The following LMBRD2 variants were observed in gnomAD, a reference collection of about 807,000 sequenced individuals.
LMBRD2 encodes the protein G protein-coupled receptor-associated protein LMBRD2.
A neutral mutation model predicts 94.4 loss-of-function variants in LMBRD2; 55 were observed. The ratio of observed to expected loss-of-function variants is 0.58; its 90% CI spans 0.47 to 0.73. The LOEUF (loss-of-function observed/expected upper bound fraction) is 0.73, where lower values mean the gene tolerates loss of function less well. Among genes scored for constraint, LMBRD2 ranks in the 30% least tolerant of loss-of-function variants. The pLI, the probability that LMBRD2 is intolerant of heterozygous loss-of-function variation, is 0.00. For missense variants in LMBRD2, 640 were observed against 831.9 expected (o/e 0.77, Z 2.84); for synonymous variants, 246 against 272.4 (o/e 0.90, Z 0.95).
At chr5:36,143,024 C>A in intron 2 of LMBRD2, 152 bp downstream of exon 2, 1 of 639,418 alleles carries the variant, frequency 1.6e-6, no homozygotes, top group South Asian at 2.2e-5. Context: ...CACGCCCGGC[C>A]CTTGGCTATG....
intron 16 of LMBRD2, among the ~76,000 whole-genome samples, chr5:36,105,479 C>T (rs1336312127): frequency 1.3e-5 from 2 of 152,112 alleles, no homozygotes; most frequent in Non-Finnish European, 2.9e-5. Context: ...TCAGAATTAA[C>T]ATTTAACTAT....
intron 3 of LMBRD2, 67 bp from the exon 4 acceptor site, chr5:36,141,269 TGCATGTGGCC>T: frequency 2.2e-6 from 2 of 889,556 alleles, no homozygotes; most frequent in Non-Finnish European, 3.6e-6. Flanking sequence ...ACAATTAATT[TGCATGTGGCC>T]AAGTTAATTT....
chr5:36,129,892 T>C (rs1472166545), intron 6 of LMBRD2, among the ~76,000 whole-genome samples: 4 of 152,122 alleles, frequency 2.6e-5, no homozygotes, highest in Non-Finnish European at 5.9e-5. Context: ...TGTAGGGACA[T>C]GGATGAAGCT....
intron 1 of LMBRD2, among the ~76,000 whole-genome samples, chr5:36,149,947 A>C (rs1414934422): frequency 6.6e-6 from 1 of 152,196 alleles, no homozygotes; most frequent in Non-Finnish European, 1.5e-5. Context: ...AATAAGATAC[A>C]TCAGTAGCAA....
intron 6 of LMBRD2, 56 bp downstream of exon 6, chr5:36,136,252 TA>T: frequency 6.5e-7 from 1 of 1,530,096 alleles, no homozygotes; most frequent in Non-Finnish European, 9.1e-7. Flanking sequence ...CAAAAATGAC[TA>T]AAAGGGGATA....
chr5:36,099,904 C>T lies in LMBRD2; in HGVS notation c.*4142G>A, dbSNP rs1029451475. The T allele has an allele frequency of 3.3e-5, 5 of 152,036 alleles. No individual in the cohort carries two copies. Among genetic ancestry groups the T allele is most frequent in the African/African-American group, 7.2e-5 (3 of 41,412 alleles). 9.4% of individuals were successfully genotyped at this position (152,036 alleles called of 1,614,324 possible). A position where few individuals can be genotyped will look rare whatever the true frequency, so the allele number is the denominator to read the frequency against. ...GGCTTGGTACAGAAGGAATCAGAGG[C>T]GAGGACATGTTCCTGCTGCAGTGGG... On this transcript the variant is annotated 3_prime_UTR_variant, in exon 18 of 18. Transcript: ENST00000296603.
At chr5:36,150,332 CG>C (rs1431347245) in intron 1 of LMBRD2, among the ~76,000 whole-genome samples, 3 of 152,184 alleles carry the variant, frequency 2.0e-5, no homozygotes, top group Admixed American at 2.0e-4. Context: ...ATCATCTCAT[CG>C]ATTAAACCTT....
In LMBRD2 at chr5:36,116,597, G is replaced by GA. The variant is rs758696347; in HGVS notation, c.1303-5dup. The GA allele has an allele frequency of 1.2e-5, 20 of 1,605,964 alleles. No homozygotes were observed. In the African/African-American group the frequency reaches 1.5e-4, roughly 12 times the overall value. ...AGATGGAAAGGAAGCAGGCAATCTG[G>GA]AAAAAAACAAAAACAAAGCAGTTTG... On this transcript the variant is annotated splice_region_variant and splice_polypyrimidine_tract_variant and intron_variant, in intron 10 of 17. Transcript: ENST00000296603.
intron 1 of LMBRD2, among the ~76,000 whole-genome samples, chr5:36,148,246 GAA>G (rs112066311): frequency 5.6e-5 from 6 of 107,510 alleles, no homozygotes; most frequent in African/African-American, 1.3e-4. Flanking sequence ...CTCGAAAAAT[GAA>G]AAAAAAAAAA....
In LMBRD2 at chr5:36,151,375, T is replaced by C. The variant is rs1452873469; in HGVS notation, c.-58+181A>G. Among the ~76,000 whole-genome samples the C allele has an allele frequency of 2.6e-5, 4 of 152,198 alleles. No homozygotes were observed. The highest frequency in any genetic ancestry group is 6.5e-5 in the Admixed American group (1 of 15,276). On this transcript the variant is annotated intron_variant, in intron 1 of 17. Coordinates refer to ENST00000296603, the MANE Select transcript of LMBRD2 (RefSeq NM_001007527.2). This position sits in a 1 kb window ranked among gnomAD's most constrained non-coding sequence, Gnocchi z 4.7. Reference sequence around the variant, plus strand: ...GACCCGCTGGGGTCTCCGGCTCCCCTAAAATTAAACCATTGTCTCTCGTTC... The same window carrying C: ...GACCCGCTGGGGTCTCCGGCTCCCCCAAAATTAAACCATTGTCTCTCGTTC...
intron 1 of LMBRD2, chr5:36,148,101 G>T: frequency 5.4e-6 from 1 of 186,638 alleles, no homozygotes; most frequent in South Asian, 9.1e-5. Flanking sequence ...AGAAGTGAAT[G>T]ATTAAGTCAA....
At position 36,100,392 on chromosome 5, in the gene LMBRD2, T is replaced by C. The variant is rs1743322733; in HGVS notation, c.*3654A>G. On this transcript the variant is annotated 3_prime_UTR_variant, in exon 18 of 18. Transcript: ENST00000296603. The stretch of plus-strand genomic sequence containing the variant: ...CTGTTTGACTACTTTAGGTACAATA[T>C]TGCTATTTCAAGTAGTGGGATTTGT... 6.6e-6 allele frequency: 1 copy of C among 152,090 alleles called. No individual in the cohort carries two copies. The highest frequency in any genetic ancestry group is 6.6e-5 in the Admixed American group (1 of 15,230). The allele number at this position is 152,090 out of a possible 1,614,324, so 9.4% of individuals were successfully genotyped here. A position where few individuals can be genotyped will look rare whatever the true frequency, so the allele number is the denominator to read the frequency against.
chr5:36,125,016 C>G (rs895651471), intron 6 of LMBRD2, among the ~76,000 whole-genome samples: 1 of 152,074 alleles, frequency 6.6e-6, no homozygotes, highest in East Asian at 1.9e-4. Flanking sequence ...TTTGCCAGTA[C>G]TGTGCTAGGT....
At chr5:36,129,377 A>G (rs1458980870) in intron 6 of LMBRD2, among the ~76,000 whole-genome samples, 1 of 152,174 alleles carries the variant, frequency 6.6e-6, no homozygotes, top group Non-Finnish European at 1.5e-5. Flanking sequence ...AGAGAAACAA[A>G]TAACACACAA....
intron 6 of LMBRD2, among the ~76,000 whole-genome samples, chr5:36,125,021 C>CT (rs552696672): frequency 1.1e-3 from 167 of 152,162 alleles, no homozygotes; most frequent in Non-Finnish European, 1.5e-3. Context: ...CAGTACTGTG[C>CT]TAGGTGTAAG....
At position 36,118,025 on chromosome 5, in the gene LMBRD2, CA is replaced by C. The variant is rs1469149557; in HGVS notation, c.1121-110del. 85 of 878,532 alleles carry C rather than the reference CA, an allele frequency of 9.7e-5. No homozygotes were observed. The Admixed American group carries it at 2.5e-3, about 26-fold the overall frequency. The allele number at this position is 878,532 out of a possible 1,614,324, so 54.4% of individuals were successfully genotyped here. On this transcript the variant is annotated intron_variant, in intron 9 of 17. Transcript: ENST00000296603. Reference sequence around the variant, plus strand: ...AGATACTTAATTACAAAGAGAAAAACAGCAATTTTACAGTGGAGAATCCAGG... The same window carrying C: ...AGATACTTAATTACAAAGAGAAAAACGCAATTTTACAGTGGAGAATCCAGG...
intron 9 of LMBRD2, among the ~76,000 whole-genome samples, chr5:36,119,781 A>G (rs1448558639): frequency 6.6e-6 from 1 of 152,024 alleles, no homozygotes; most frequent in African/African-American, 2.4e-5. Flanking sequence ...CTCCTCTCCT[A>G]TACTTACTCT....
chr5:36,112,732 C>T (rs982036168), intron 13 of LMBRD2, among the ~76,000 whole-genome samples: 1 of 152,088 alleles, frequency 6.6e-6, no homozygotes, highest in Non-Finnish European at 1.5e-5. Context: ...TGACAGAGCA[C>T]TATTCTGCCC....
intron 11 of LMBRD2, among the ~76,000 whole-genome samples, chr5:36,115,834 G>A (rs986876365): frequency 5.3e-5 from 8 of 152,112 alleles, no homozygotes; most frequent in Non-Finnish European, 8.8e-5. Flanking sequence ...ATCACTGGGG[G>A]TAGCGTGAAG....
Sources: allele counts gnomAD v4.1 joint callset (sites outside exome capture counted in the v4.1 genomes callset), GRCh38; gene constraint gnomAD v4.1.1; non-coding constraint Gnocchi (gnomAD v3.1); transcripts MANE v1.5; gene names NCBI Gene and HGNC (gene_info 2026-07-23, HGNC 2026-07-21).